Variants in NEXN observed in about 807,000 individuals in gnomAD.
NEXN encodes the protein nexilin.
In NEXN, 65 loss-of-function variants were observed where a neutral mutation model predicts 92.6. The observed-to-expected ratio is 0.70, with a 90% CI of 0.57 to 0.86. The LOEUF (loss-of-function observed/expected upper bound fraction) is 0.86, where lower values mean the gene tolerates loss of function less well. NEXN is among the 40% of genes least tolerant of loss of function. The probability of loss-of-function intolerance (pLI) is 0.00; values close to 1 mark genes in which losing one functional copy is unlikely to be tolerated. For synonymous variants in NEXN, 254 were observed against 242.5 expected (o/e 1.05, Z -0.44); for missense variants, 778 against 771.1 (o/e 1.01, Z -0.11).
At chr1:77,898,649 A>G (rs1647427053) in intron 1 of NEXN, among the ~76,000 whole-genome samples, 1 of 152,252 alleles carries the variant, frequency 6.6e-6, no homozygotes, top group Non-Finnish European at 1.5e-5. Context: ...ACAAAAGCCA[A>G]AATTGACAAA....
intron 6 of NEXN, 142 bp from the exon 7 acceptor site, chr1:77,926,272 T>A (rs1649829441): frequency 1.7e-6 from 1 of 587,632 alleles, no homozygotes; most frequent in Non-Finnish European, 3.0e-6. Context: ...GTAGGAGATA[T>A]TTAATAATAA....
chr1:77,895,507 G>C (rs1647215397), intron 1 of NEXN, among the ~76,000 whole-genome samples: 1 of 152,150 alleles, frequency 6.6e-6, no homozygotes, highest in Non-Finnish European at 1.5e-5. Flanking sequence ...TTGTTCCAAA[G>C]ACTGTAAGAA....
chr1:77,938,460 C>A (rs1650971114), intron 11 of NEXN, among the ~76,000 whole-genome samples: 1 of 151,920 alleles, frequency 6.6e-6, no homozygotes, highest in South Asian at 2.1e-4. Context: ...ACCATCCTGG[C>A]CAACATGGTG....
chr1:77,900,967 C>T (rs1456890651), intron 1 of NEXN, among the ~76,000 whole-genome samples: 1 of 152,148 alleles, frequency 6.6e-6, no homozygotes. Flanking sequence ...TGTTAAGATT[C>T]CAGATACAAA....
In NEXN at chr1:77,923,919, G is replaced by A. The variant is rs530004273; in HGVS notation, c.448-1269G>A. Reference sequence around the variant, plus strand: ...TCTTGATCTCTTGACCTCGTGATCCGCCCGCCTCAGCCTCTCAAAGTGCTG... The same window carrying A: ...TCTTGATCTCTTGACCTCGTGATCCACCCGCCTCAGCCTCTCAAAGTGCTG... On this transcript the variant is annotated intron_variant, in intron 5 of 12. Transcript: ENST00000334785. Among the ~76,000 whole-genome samples the A allele has an allele frequency of 2.0e-3, 306 of 151,820 alleles. 2 individuals carry two copies. The highest frequency in any genetic ancestry group is 3.4e-3 in the Non-Finnish European group (232 of 67,832).
At chr1:77,940,703 G>A (rs1651192608) in intron 11 of NEXN, among the ~76,000 whole-genome samples, 1 of 152,102 alleles carries the variant, frequency 6.6e-6, no homozygotes, top group Non-Finnish European at 1.5e-5. Flanking sequence ...TGAACAAAGA[G>A]GTCCTTTTTA....
At chr1:77,912,265 T>C (rs1648648805) in intron 1 of NEXN, among the ~76,000 whole-genome samples, 1 of 152,128 alleles carries the variant, frequency 6.6e-6, no homozygotes, top group Admixed American at 6.6e-5. Context: ...ATCTGCACAT[T>C]GAAAACTACA....
chr1:77,925,454 A>G lies in NEXN; in HGVS notation c.489+225A>G, dbSNP rs1571132859. Among the ~76,000 whole-genome samples the G allele has an allele frequency of 1.3e-5, 2 of 152,228 alleles. 1 individual carries two copies. The highest frequency in any genetic ancestry group is 3.8e-4 in the East Asian group (2 of 5,206). ...TGTTTTGCTTTCATAGTCAGGTTAG[A>G]AAGACAAGCCTTATTAGTCTCAGTT... On this transcript the variant is annotated intron_variant, in intron 6 of 12. Coordinates refer to ENST00000334785, the MANE Select transcript of NEXN (RefSeq NM_144573.4).
At chr1:77,941,691 A>C (rs753127163) in intron 11 of NEXN, 6 of 332,292 alleles carry the variant, frequency 1.8e-5, no homozygotes, top group African/African-American at 1.3e-4. Flanking sequence ...AGTACTTTTA[A>C]CAATTATTTA....
chr1:77,929,536 A>G, intron 9 of NEXN, 32 bp downstream of exon 9: 1 of 1,610,774 alleles, frequency 6.2e-7, no homozygotes, highest in Non-Finnish European at 8.5e-7. Context: ...GAATGCTATT[A>G]GAATTCACCT....
At position 77,899,675 on chromosome 1, in the gene NEXN, AAAT is replaced by A. The variant is rs1647536591; in HGVS notation, c.-53+10919_-53+10921del. ...AATAATAATAAAATAAAAAAATAAA[AAAT>A]AAAAAAACAAAAAACAAACAAAAAA... On this transcript the variant is annotated intron_variant, in intron 1 of 12. Transcript: ENST00000334785. 2.0e-5 allele frequency among the ~76,000 whole-genome samples: 3 copies of A among 151,946 alleles called. No homozygotes were observed. In the South Asian group the frequency reaches 6.2e-4, roughly 31 times the overall value.
chr1:77,933,754 T>C (rs1027640947), intron 10 of NEXN, among the ~76,000 whole-genome samples: 15 of 152,220 alleles, frequency 9.9e-5, no homozygotes, highest in Non-Finnish European at 1.8e-4. Flanking sequence ...AATATGCATA[T>C]ATTCAATACA....
At position 77,915,223 on chromosome 1, in the gene NEXN, G is replaced by C. The variant is rs867937496; in HGVS notation, c.-52-832G>C. On this transcript the variant is annotated intron_variant, in intron 1 of 12. Transcript: ENST00000334785. ...AGCTACTTGGGAGGCTGAGGAAGGA[G>C]GATCGCTTGAGCCCAGGAGTTCAAG... Among the ~76,000 whole-genome samples, 52 of 152,212 alleles carry C rather than the reference G, an allele frequency of 3.4e-4. No homozygotes were observed. In the Middle Eastern group the frequency reaches 0.024, roughly 70 times the overall value.
At chr1:77,918,325 T>A (rs1412207541) in intron 5 of NEXN, 52 bp downstream of exon 5, 7 of 1,554,928 alleles carry the variant, frequency 4.5e-6, no homozygotes, top group Non-Finnish European at 6.2e-6. Flanking sequence ...CTGTGCAAAG[T>A]AAAACTAATC....
At position 77,926,581 on chromosome 1, in the gene NEXN, C is replaced by G. The variant is rs762462350; in HGVS notation, c.657C>G (p.Leu219=). 1 of 1,613,860 alleles carries G rather than the reference C, an allele frequency of 6.2e-7. No homozygotes were observed. The highest frequency in any genetic ancestry group is 8.5e-7 in the Non-Finnish European group (1 of 1,179,924). ...RIRYEEQRPS[L]KEAKCLSLVM... ...GATATGAAGAACAACGACCATCTCT[C>G]AAGGAAGCAAAGTGTCTTTCATTAG... Residue 219 remains leucine (L), a synonymous_variant, in exon 7 of 13, where the codon CTC becomes CTG. Coordinates refer to ENST00000334785, the MANE Select transcript of NEXN (RefSeq NM_144573.4).
intron 1 of NEXN, among the ~76,000 whole-genome samples, chr1:77,906,435 C>A (rs574806435): frequency 2.0e-5 from 3 of 152,090 alleles, no homozygotes; most frequent in African/African-American, 7.2e-5. Context: ...CATGAAAAAA[C>A]CAACAGTTAA....
At chr1:77,901,421 G>T (rs889741752) in intron 1 of NEXN, among the ~76,000 whole-genome samples, 5 of 151,706 alleles carry the variant, frequency 3.3e-5, no homozygotes, top group African/African-American at 1.2e-4. Flanking sequence ...AGAATATTTT[G>T]TTTTAATTTC....
At position 77,942,815 on chromosome 1, in the gene NEXN, G is replaced by C. The variant is rs771695320; in HGVS notation, c.2014G>C (p.Glu672Gln). ...AGCTAGTACCTGTATTCTTACCATTGAAAGTAAGAATTAATCACTCTTTTT... is the reference window on the plus strand; with the variant it reads ...AGCTAGTACCTGTATTCTTACCATTCAAAGTAAGAATTAATCACTCTTTTT... ...SAASTCILTIESKN is the reference protein window; with the variant it reads ...SAASTCILTIQSKN Residue 672 changes from glutamate (E) to glutamine (Q), a missense_variant, in exon 13 of 13, where the codon GAA becomes CAA. Physicochemically the swap from Glu to Gln is conservative, Grantham distance 29. Coordinates refer to ENST00000334785, the MANE Select transcript of NEXN (RefSeq NM_144573.4). The C allele has an allele frequency of 1.9e-6, 3 of 1,601,180 alleles. No individual in the cohort carries two copies. The South Asian group carries it at 3.3e-5, about 18-fold the overall frequency.
chr1:77,934,215 G>A (rs1036848393), intron 10 of NEXN, among the ~76,000 whole-genome samples: 5 of 151,928 alleles, frequency 3.3e-5, no homozygotes, highest in East Asian at 1.9e-4. Flanking sequence ...TCACCATGTC[G>A]GCCAGGCTGA....
Sources: gnomAD v4.1 joint callset for allele counts (sites outside exome capture counted in the v4.1 genomes callset) on GRCh38, gnomAD v4.1.1 for gene constraint, MANE v1.5 for transcripts, NCBI Gene and HGNC (gene_info 2026-07-23, HGNC 2026-07-21) for gene names.